PRDM16: variants seen among roughly 807,000 people sequenced by gnomAD.
PRDM16 encodes the protein PR/SET domain 16.
A neutral mutation model predicts 110.6 loss-of-function variants in PRDM16; 23 were observed. That is an observed-to-expected ratio of 0.21 (90% CI 0.15 to 0.29). The LOEUF (loss-of-function observed/expected upper bound fraction) is 0.29. PRDM16 is among the 10% of genes least tolerant of loss of function. The probability of loss-of-function intolerance (pLI) is 1.00; values close to 1 mark genes in which losing one functional copy is unlikely to be tolerated. For synonymous variants in PRDM16, 799 were observed against 781.8 expected, an observed-to-expected ratio of 1.02 and a Z score of -0.37; for missense variants, 1,615 against 1,794.3, an observed-to-expected ratio of 0.90 and a Z score of 1.81.
chr1:3,404,865 C>T lies in PRDM16; in HGVS notation c.1011C>T (p.Phe337=), dbSNP rs774182702. Residue 337 remains phenylalanine, a synonymous_variant, in exon 7 of 17, where the codon TTC becomes TTT. Coordinates refer to ENST00000270722, the MANE Select transcript of PRDM16 (RefSeq NM_022114.4). The part of the protein sequence containing the change: ...HQMSHDSGKR[F]ECENCVKVFT... Reference sequence around the variant, plus strand: ...TGTCCCACGACAGCGGCAAACGCTTCGAATGTGAAAACTGCGTGAAGGTAA... The same window carrying T: ...TGTCCCACGACAGCGGCAAACGCTTTGAATGTGAAAACTGCGTGAAGGTAA... The T allele has an allele frequency of 1.6e-5, 26 of 1,613,228 alleles. No individual in the cohort carries two copies. The highest frequency in any genetic ancestry group is 2.1e-5 in the Non-Finnish European group (25 of 1,179,938).
rs530472164 is a variant in PRDM16 at position 3,436,251 on chromosome 1, G to A, written c.*2440G>A. On this transcript the variant is annotated 3_prime_UTR_variant, in exon 17 of 17. Coordinates refer to ENST00000270722, the MANE Select transcript of PRDM16 (RefSeq NM_022114.4). ...TCTCTCTGAAGTGGGACATTCGGAC[G>A]GATGGAGCCCTCAGCGTGTCTTTTC... 3.7e-4 allele frequency: 85 copies of A among 230,184 alleles called. No individual in the cohort carries two copies. The highest frequency in any genetic ancestry group is 1.5e-4 in the Non-Finnish European group (18 of 116,286). The allele number at this position is 230,184 out of a possible 1,614,324, so 14.3% of individuals were successfully genotyped here.
intron 1 of PRDM16, among the ~76,000 whole-genome samples, chr1:3,078,042 TGCCTCTGTCCTG>T: frequency 6.6e-6 from 1 of 152,024 alleles, no homozygotes; most frequent in Middle Eastern, 3.4e-3. Context: ...CCTCTGTCCT[TGCCTCTGTCCTG>T]GGGTGGAAAC....
intron 3 of PRDM16, among the ~76,000 whole-genome samples, chr1:3,334,984 A>G (rs1043855446): frequency 6.6e-6 from 1 of 152,096 alleles, no homozygotes; most frequent in South Asian, 2.1e-4. Context: ...CAGCAACATG[A>G]CCCCATAGGC....
chr1:3,332,126 C>T (rs1314432237), intron 3 of PRDM16, among the ~76,000 whole-genome samples: 1 of 152,258 alleles, frequency 6.6e-6, no homozygotes, highest in Non-Finnish European at 1.5e-5. Flanking sequence ...GGCCTTCAGC[C>T]CCATTTTCAG....
chr1:3,118,356 C>T (rs1290733199), intron 1 of PRDM16, among the ~76,000 whole-genome samples: 1 of 152,190 alleles, frequency 6.6e-6, no homozygotes, highest in Non-Finnish European at 1.5e-5. Flanking sequence ...AATTCACACT[C>T]CTGCACCCCC....
chr1:3,139,261 C>T (rs552061313), intron 1 of PRDM16, among the ~76,000 whole-genome samples: 4 of 152,202 alleles, frequency 2.6e-5, no homozygotes, highest in Non-Finnish European at 4.4e-5. Context: ...GAACACGGCA[C>T]GCAGAGATTC....
intron 3 of PRDM16, among the ~76,000 whole-genome samples, chr1:3,323,611 C>T (rs1268178180): frequency 6.6e-6 from 1 of 152,236 alleles, no homozygotes; most frequent in Non-Finnish European, 1.5e-5. Flanking sequence ...AGGGAACCCC[C>T]AGCTCCCGCC....
intron 1 of PRDM16, among the ~76,000 whole-genome samples, chr1:3,180,756 G>A (rs1191716367): frequency 7.2e-5 from 11 of 152,194 alleles, no homozygotes; most frequent in Non-Finnish European, 1.6e-4. Flanking sequence ...GAGAAACAGC[G>A]TTTCCCAACC....
chr1:3,084,221 C>A (rs1195052639), intron 1 of PRDM16, among the ~76,000 whole-genome samples: 2 of 152,182 alleles, frequency 1.3e-5, no homozygotes, highest in Non-Finnish European at 2.9e-5. Flanking sequence ...CGTCTGGGGG[C>A]CTGTACCCCT....
chr1:3,136,337 G>A (rs1246329569), intron 1 of PRDM16, among the ~76,000 whole-genome samples: 2 of 152,196 alleles, frequency 1.3e-5, no homozygotes, highest in Non-Finnish European at 2.9e-5. Flanking sequence ...GCTGTCCGGG[G>A]ACCTCTGGTG....
intron 1 of PRDM16, among the ~76,000 whole-genome samples, chr1:3,173,340 G>A (rs371587224): frequency 2.0e-5 from 3 of 152,378 alleles, no homozygotes; most frequent in East Asian, 1.9e-4. Context: ...GTCATTCAGC[G>A]CCTGCCCGGG....
chr1:3,122,001 G>A (rs573383192), intron 1 of PRDM16, among the ~76,000 whole-genome samples: 4 of 152,342 alleles, frequency 2.6e-5, no homozygotes, highest in East Asian at 1.9e-4. Context: ...GGTTGGTATC[G>A]CCAGATCTTT....
intron 1 of PRDM16, among the ~76,000 whole-genome samples, chr1:3,105,227 C>A (rs890085868): frequency 2.6e-5 from 4 of 152,184 alleles, no homozygotes; most frequent in Non-Finnish European, 5.9e-5. Flanking sequence ...CCTGGAGGTA[C>A]CACTGTCCTG....
At chr1:3,269,652 G>T (rs777710684) in intron 3 of PRDM16, among the ~76,000 whole-genome samples, 9 of 102,562 alleles carry the variant, frequency 8.8e-5, no homozygotes, top group Non-Finnish European at 1.4e-4. Flanking sequence ...GAGGAGGACA[G>T]TTGGGAGGAG....
chr1:3,349,178 A>C (rs1306237801), intron 3 of PRDM16, among the ~76,000 whole-genome samples: 1 of 152,178 alleles, frequency 6.6e-6, no homozygotes, highest in African/African-American at 2.4e-5. Context: ...CTCCGTCCGC[A>C]TAGTGCCCAT....
At position 3,306,717 on chromosome 1, in the gene PRDM16, G is replaced by A. The variant is rs1641323264; in HGVS notation, c.438+62580G>A. 1.3e-5 allele frequency: 2 copies of A among 152,140 alleles called. 1 individual carries two copies. Among genetic ancestry groups the A allele is most frequent in the Non-Finnish European group, 2.9e-5 (2 of 68,042 alleles). 9.4% of individuals were successfully genotyped at this position (152,140 alleles called of 1,614,324 possible). A position where few individuals can be genotyped will look rare whatever the true frequency, so the allele number is the denominator to read the frequency against. On this transcript the variant is annotated intron_variant, in intron 3 of 16. Transcript: ENST00000270722. ...CGCAAACAATGCACCCCATTAAAACGTACAATTCAGTGGTTTTCAGCCACA... is the reference window on the plus strand; with the variant it reads ...CGCAAACAATGCACCCCATTAAAACATACAATTCAGTGGTTTTCAGCCACA...
At chr1:3,267,063 G>T (rs1210086775) in intron 3 of PRDM16, among the ~76,000 whole-genome samples, 1 of 152,146 alleles carries the variant, frequency 6.6e-6, no homozygotes, top group Non-Finnish European at 1.5e-5. Flanking sequence ...ATTCTAAAAT[G>T]GACAGTCAGC....
At chr1:3,415,178 A>G (rs1419247710) in intron 10 of PRDM16, among the ~76,000 whole-genome samples, 1 of 152,002 alleles carries the variant, frequency 6.6e-6, no homozygotes, top group African/African-American at 2.4e-5. Flanking sequence ...GTGGGTGCAG[A>G]CCCTGCCAGG....
rs1240969389 is a variant in PRDM16 at position 3,437,698 on chromosome 1, T to A, written c.*3887T>A. ...GTTCCTCTGCTCCTTCCATTCCATT[T>A]TTGTGTTTGTTTTGTTCTTTTCTGT... is the stretch of plus-strand genomic sequence containing the variant. On this transcript the variant is annotated 3_prime_UTR_variant, in exon 17 of 17. Coordinates refer to ENST00000270722, the MANE Select transcript of PRDM16 (RefSeq NM_022114.4). 8.9e-6 allele frequency: 2 copies of A among 224,732 alleles called. No homozygotes were observed. Among genetic ancestry groups the A allele is most frequent in the Non-Finnish European group, 1.8e-5 (2 of 112,748 alleles). 13.9% of individuals were successfully genotyped at this position (224,732 alleles called of 1,614,324 possible).
Sources: allele counts gnomAD v4.1 joint callset (sites outside exome capture counted in the v4.1 genomes callset), GRCh38; gene constraint gnomAD v4.1.1; transcripts MANE v1.5; gene names NCBI Gene and HGNC (gene_info 2026-07-23, HGNC 2026-07-21).